The following CPAMD8 variants were observed in gnomAD, a reference collection of about 807,000 sequenced individuals.
CPAMD8 encodes C3 and PZP like alpha-2-macroglobulin domain containing 8.
Under a neutral mutation model 224.7 loss-of-function variants are expected in CPAMD8, and 146 were observed. That is an observed-to-expected ratio of 0.65 (90% CI 0.57 to 0.75). The LOEUF (loss-of-function observed/expected upper bound fraction) is 0.75. CPAMD8 is among the 30% of genes least tolerant of loss of function. The pLI, the probability that CPAMD8 is intolerant of heterozygous loss-of-function variation, is 0.00. For synonymous variants in CPAMD8, 966 were observed against 1,044.6 expected, an observed-to-expected ratio of 0.92 and a Z score of 1.45; for missense variants, 2,301 against 2,537.5, an observed-to-expected ratio of 0.91 and a Z score of 2.00.
At chr19:16,941,699 G>C (rs1452525792) in intron 22 of CPAMD8, among the ~76,000 whole-genome samples, 1 of 152,214 alleles carries the variant, frequency 6.6e-6, no homozygotes, top group Non-Finnish European at 1.5e-5. Flanking sequence ...AAGCGGCTGG[G>C]CACGGTGGCT....
chr19:17,000,766 G>C (rs559915198), intron 9 of CPAMD8, among the ~76,000 whole-genome samples: 1 of 152,342 alleles, frequency 6.6e-6, no homozygotes, highest in Non-Finnish European at 1.5e-5. Context: ...AAGGGTCAGA[G>C]AGGAACTCTG....
intron 1 of CPAMD8, among the ~76,000 whole-genome samples, chr19:17,022,398 G>A (rs1253818165): frequency 6.6e-6 from 1 of 152,104 alleles, no homozygotes; most frequent in African/African-American, 2.4e-5. Context: ...GTAAGAATCT[G>A]GCCTCACTGG....
At chr19:17,025,434 C>A (rs941814070) in intron 1 of CPAMD8, among the ~76,000 whole-genome samples, 3 of 151,928 alleles carry the variant, frequency 2.0e-5, no homozygotes, top group Non-Finnish European at 4.4e-5. Flanking sequence ...AAAAACAAAC[C>A]CCAAAAACAA....
intron 22 of CPAMD8, among the ~76,000 whole-genome samples, chr19:16,942,835 G>C (rs1009370837): frequency 9.9e-5 from 15 of 152,200 alleles, no homozygotes; most frequent in Non-Finnish European, 2.1e-4. Context: ...TCAGAACACG[G>C]AGCCTGCATG....
chr19:17,001,627 C>G (rs1023066829), intron 9 of CPAMD8, among the ~76,000 whole-genome samples: 1 of 151,914 alleles, frequency 6.6e-6, no homozygotes, highest in African/African-American at 2.4e-5. Context: ...AGCATGGAAA[C>G]AAAGACAGGC....
At chr19:16,975,285 G>T in intron 16 of CPAMD8, 27 bp from the exon 17 acceptor site, 1 of 1,577,866 alleles carries the variant, frequency 6.3e-7, no homozygotes, top group Non-Finnish European at 8.6e-7. Flanking sequence ...ACAGAGACTT[G>T]TCAGCTGAAG....
chr19:16,914,811 A>G lies in CPAMD8; in HGVS notation c.3632T>C (p.Leu1211Pro). 2 of 1,605,438 alleles carry G rather than the reference A, an allele frequency of 1.2e-6. No homozygotes were observed. The highest frequency in any genetic ancestry group is 1.7e-6 in the Non-Finnish European group (2 of 1,175,370). ...GAAGGACTTCAGGACAAAGGCTGTG[A>G]GCCTGAAAGAGGACAGGGTGTCAGC... ...GERDASGSMW[L>P]TAFVLKSFAQ... The change falls in exon 28 of 42, where the codon CTC (leucine) becomes CCC (proline). Residue 1211 changes from leucine (L) to proline (P), a missense_variant and splice_region_variant. By Grantham distance (98) the Leu-to-Pro change is moderately conservative. This residue lies in a region of CPAMD8 where 1,709 missense variants were observed against 1,753.2 expected (regional missense o/e 0.97). Transcript: ENST00000443236.
chr19:16,934,624 C>T (rs766502892), intron 23 of CPAMD8, among the ~76,000 whole-genome samples: 13 of 152,124 alleles, frequency 8.5e-5, no homozygotes, highest in Non-Finnish European at 1.5e-4. Context: ...TTACATAGTG[C>T]GTGAAGTAAC....
intron 1 of CPAMD8, 101 bp downstream of exon 1, chr19:17,026,450 G>T: frequency 8.1e-7 from 1 of 1,234,612 alleles, no homozygotes; most frequent in South Asian, 1.8e-5. Flanking sequence ...CAGCGCGGAG[G>T]CTGTGTGGCC....
intron 9 of CPAMD8, among the ~76,000 whole-genome samples, chr19:17,001,090 G>A (rs922816184): frequency 2.6e-5 from 4 of 152,092 alleles, no homozygotes; most frequent in African/African-American, 9.7e-5. Flanking sequence ...GGGAGGCCAA[G>A]GTGGGCAGAT....
At chr19:17,002,533 A>C (rs2056361469) in intron 8 of CPAMD8, 183 bp from the exon 9 acceptor site, 2 of 501,686 alleles carry the variant, frequency 4.0e-6, no homozygotes, top group African/African-American at 2.0e-5. Context: ...TCTATTTCTC[A>C]TCTTTGGGGG....
At chr19:16,920,924 C>G (rs1201449031) in intron 27 of CPAMD8, among the ~76,000 whole-genome samples, 1 of 151,582 alleles carries the variant, frequency 6.6e-6, no homozygotes, top group African/African-American at 2.4e-5. Context: ...GTGGAGGCCT[C>G]CTAGGGGCTG....
rs182808865 is a variant in CPAMD8, at chr19:17,025,516, C to T, written c.92+1035G>A. Among the ~76,000 whole-genome samples, 88 of 152,316 alleles carry T rather than the reference C, an allele frequency of 5.8e-4. 1 individual carries two copies. Among genetic ancestry groups the T allele is most frequent in the Non-Finnish European group, 1.0e-3 (69 of 68,020 alleles). On this transcript the variant is annotated intron_variant, in intron 1 of 41. Transcript: ENST00000443236. ...AGCCAAGGTCTGTCATGTGGGGCCG[C>T]GTCATTCCTTGCAGTGGAAGCTGAC...
At chr19:16,949,350 T>C (rs996327361) in intron 20 of CPAMD8, among the ~76,000 whole-genome samples, 5 of 152,114 alleles carry the variant, frequency 3.3e-5, no homozygotes, top group Admixed American at 3.3e-4. Flanking sequence ...GAAACCTCCC[T>C]TTAGGGGCCA....
chr19:16,964,199 C>T (rs1164000503), intron 18 of CPAMD8, among the ~76,000 whole-genome samples: 2 of 152,064 alleles, frequency 1.3e-5, no homozygotes, highest in African/African-American at 4.8e-5. Context: ...CAGAGCAGAA[C>T]TGAAAGAGAC....
At chr19:16,952,251 C>CCCA in intron 19 of CPAMD8, 51 bp from the exon 20 acceptor site, 1 of 1,055,862 alleles carries the variant, frequency 9.5e-7, no homozygotes, top group Non-Finnish European at 1.4e-6. Flanking sequence ...AGGGCCATGC[C>CCCA]TCAGGGGGGC....
At position 16,945,662 on chromosome 19, in the gene CPAMD8, C is replaced by G. The variant is rs778433376; in HGVS notation, c.2680G>C (p.Gly894Arg). 6.2e-7 allele frequency: 1 copy of G among 1,614,004 alleles called. No individual in the cohort carries two copies. Among genetic ancestry groups the G allele is most frequent in the South Asian group, 1.1e-5 (1 of 91,076 alleles). Residue 894 changes from glycine (G) to arginine (R), a missense_variant, in exon 22 of 42, where the codon GGA becomes CGA. Around this residue, in one of 4 missense-constraint regions of CPAMD8, gnomAD observed 1,709 missense variants for 1,753.2 expected, o/e 0.97. Transcript: ENST00000443236. ...NNITAKALAYGDTNCCRDGRS... is the reference protein window; with the variant it reads ...NNITAKALAYRDTNCCRDGRS... Reference sequence around the variant, plus strand: ...CCATCCCGGCAGCAATTTGTGTCTCCGTAAGCAAGGGCTTTGGCTGCAGAA... The same window carrying G: ...CCATCCCGGCAGCAATTTGTGTCTCGGTAAGCAAGGGCTTTGGCTGCAGAA...
chr19:16,921,787 G>C, intron 27 of CPAMD8, 118 bp downstream of exon 27: 1 of 672,548 alleles, frequency 1.5e-6, no homozygotes, highest in Non-Finnish European at 2.6e-6. Flanking sequence ...CTTCCCAGCT[G>C]TGTTCCCTGT....
rs762743725 is a variant in CPAMD8, at chr19:16,893,077, T to G, written c.*31A>C. The G allele has an allele frequency of 1.1e-5, 11 of 993,852 alleles. No individual in the cohort carries two copies. The highest frequency in any genetic ancestry group is 1.6e-5 in the African/African-American group (1 of 63,414). The allele number at this position is 993,852 out of a possible 1,614,324, so 61.6% of individuals were successfully genotyped here. On this transcript the variant is annotated 3_prime_UTR_variant, in exon 42 of 42. Coordinates refer to ENST00000443236, the MANE Select transcript of CPAMD8 (RefSeq NM_015692.5). ...GTATGAATGGTCCCCAGGACCAAAC[T>G]GCGGTCCCACAACTGCATGTGGTTG...
Sources: allele counts gnomAD v4.1 joint callset (sites outside exome capture counted in the v4.1 genomes callset), GRCh38; gene constraint gnomAD v4.1.1; regional missense constraint gnomAD v4.1.1; transcripts MANE v1.5; gene names NCBI Gene and HGNC (gene_info 2026-07-23, HGNC 2026-07-21).